Variants in FRMPD2 observed in about 807,000 individuals in gnomAD.
FRMPD2 encodes the protein FERM and PDZ domain containing 2.
Under a neutral mutation model 140.1 loss-of-function variants are expected in FRMPD2, and 96 were observed. The ratio of observed to expected loss-of-function variants is 0.69; its 90% CI spans 0.58 to 0.81. The LOEUF is 0.81. Ranked by LOEUF, FRMPD2 falls within the 40% of genes least tolerant of loss-of-function variation. The pLI is 0.00. For missense variants in FRMPD2, 1,240 were observed against 1,447.4 expected (o/e 0.86, Z 2.32); for synonymous variants, 449 against 547.6 (o/e 0.82, Z 2.52).
intron 16 of FRMPD2, 68 bp downstream of exon 16, chr10:48,192,616 G>T: frequency 7.4e-7 from 1 of 1,359,512 alleles, no homozygotes; most frequent in Non-Finnish European, 1.0e-6. Flanking sequence ...TAAATCTTCA[G>T]TACAGATCAC....
intron 15 of FRMPD2, among the ~76,000 whole-genome samples, chr10:48,200,998 A>G (rs1029876360): frequency 6.6e-6 from 1 of 152,168 alleles, no homozygotes; most frequent in African/African-American, 2.4e-5. Flanking sequence ...TATATTTCCA[A>G]TTGCACTCTG....
intron 12 of FRMPD2, among the ~76,000 whole-genome samples, chr10:48,218,899 A>C (rs1839514875): frequency 6.6e-6 from 1 of 152,208 alleles, no homozygotes; most frequent in South Asian, 2.1e-4. Flanking sequence ...TCAATTTTGC[A>C]AGACAATAAA....
chr10:48,194,028 T>G (rs1838898633), intron 15 of FRMPD2, among the ~76,000 whole-genome samples: 3 of 152,226 alleles, frequency 2.0e-5, no homozygotes, highest in South Asian at 4.1e-4. Flanking sequence ...GACCTGCAGC[T>G]TTTGCACAAA....
chr10:48,209,511 T>G (rs185825295), intron 13 of FRMPD2, among the ~76,000 whole-genome samples: 1 of 152,206 alleles, frequency 6.6e-6, no homozygotes, highest in African/African-American at 2.4e-5. Flanking sequence ...CTCCCAATAA[T>G]GGTCTTCTCC....
chr10:48,201,297 C>T lies in FRMPD2; in HGVS notation c.1885G>A (p.Asp629Asn), dbSNP rs1182829749. The T allele has an allele frequency of 6.2e-7, 1 of 1,613,892 alleles. No homozygotes were observed. The highest frequency in any genetic ancestry group is 8.5e-7 in the Non-Finnish European group (1 of 1,179,832). The change falls in exon 15 of 29, where the codon GAC (aspartate) becomes AAC (asparagine). Residue 629 changes from aspartate to asparagine, a missense_variant. Transcript: ENST00000374201. ...AACCCATGCTGGGCTGAGCAGAGGTCCAGTAAGTATTTACTGGTCTTGGCT... is the reference window on the plus strand; with the variant it reads ...AACCCATGCTGGGCTGAGCAGAGGTTCAGTAAGTATTTACTGGTCTTGGCT... Reference protein sequence around the residue: ...DSAKTSKYLLDLCSAQHGFNA... With the variant: ...DSAKTSKYLLNLCSAQHGFNA...
At chr10:48,208,498 T>C (rs1031701152) in intron 13 of FRMPD2, among the ~76,000 whole-genome samples, 1 of 152,198 alleles carries the variant, frequency 6.6e-6, no homozygotes, top group Non-Finnish European at 1.5e-5. Flanking sequence ...TTCTAAGTAA[T>C]CTGTCCAAGT....
chr10:48,254,810 C>G (rs1478405828), intron 1 of FRMPD2, among the ~76,000 whole-genome samples: 1 of 152,220 alleles, frequency 6.6e-6, no homozygotes, highest in African/African-American at 2.4e-5. Flanking sequence ...CGCTCTTGGT[C>G]TCAGAGGCAG....
chr10:48,273,114 T>C (rs1391735421), intron 1 of FRMPD2, among the ~76,000 whole-genome samples: 1 of 152,192 alleles, frequency 6.6e-6, no homozygotes, highest in African/African-American at 2.4e-5. Flanking sequence ...AATGAACTTA[T>C]TAGATGCATA....
chr10:48,225,990 T>G (rs1219326261), intron 10 of FRMPD2, among the ~76,000 whole-genome samples: 1 of 152,222 alleles, frequency 6.6e-6, no homozygotes, highest in Non-Finnish European at 1.5e-5. Context: ...TGTACTCTTT[T>G]GGGGTTGGTT....
Position 48,251,561 on chromosome 10 carries a change from C to T in FRMPD2, c.151+5G>A. 6.2e-7 allele frequency: 1 copy of T among 1,612,822 alleles called. No individual in the cohort carries two copies. Among genetic ancestry groups the T allele is most frequent in the Non-Finnish European group, 8.5e-7 (1 of 1,179,988 alleles). ...TGATTTGACTGCCCCCAAACACTCT[C>T]TTACCGTTGCGGAGGTCTTCCAGGA... On this transcript the variant is annotated splice_donor_5th_base_variant and intron_variant, in intron 2 of 28. Transcript: ENST00000374201.
intron 1 of FRMPD2, among the ~76,000 whole-genome samples, chr10:48,258,921 G>A (rs1840532699): frequency 6.6e-6 from 1 of 152,130 alleles, no homozygotes; most frequent in Non-Finnish European, 1.5e-5. Flanking sequence ...GCCTTCAAAA[G>A]GCTCTGAGCC....
chr10:48,249,257 G>A lies in FRMPD2; in HGVS notation c.152-79C>T, dbSNP rs899008891. ...CAGCATGGGACTGTGCCCAGCAGGT[G>A]CCTGGCAGTACCCATCTCTGGGACT... is the stretch of plus-strand genomic sequence containing the variant. On this transcript the variant is annotated intron_variant, in intron 2 of 28. Coordinates refer to ENST00000374201, the MANE Select transcript of FRMPD2 (RefSeq NM_001018071.4). The A allele has an allele frequency of 9.2e-6, 13 of 1,416,052 alleles. No homozygotes were observed. In the African/African-American group the frequency reaches 1.6e-4, roughly 17 times the overall value. The allele number at this position is 1,416,052 out of a possible 1,614,324, so 87.7% of individuals were successfully genotyped here.
At chr10:48,255,209 GTCT>G (rs1179723590) in intron 1 of FRMPD2, among the ~76,000 whole-genome samples, 1 of 152,132 alleles carries the variant, frequency 6.6e-6, no homozygotes. Flanking sequence ...TAGCATAGAA[GTCT>G]TCTTTGCCAT....
At chr10:48,215,396 T>C (rs937805025) in intron 12 of FRMPD2, among the ~76,000 whole-genome samples, 2 of 152,228 alleles carry the variant, frequency 1.3e-5, no homozygotes, top group African/African-American at 2.4e-5. Flanking sequence ...ACCTGGCATA[T>C]AGCAAAGCAA....
chr10:48,186,181 T>C (rs1329126627), intron 17 of FRMPD2, among the ~76,000 whole-genome samples: 1 of 152,238 alleles, frequency 6.6e-6, no homozygotes, highest in South Asian at 2.1e-4. Flanking sequence ...AAGCTGTTCC[T>C]GGAGAGCTGG....
At position 48,232,163 on chromosome 10, in the gene FRMPD2, A is replaced by G. The variant is rs1255739284; in HGVS notation, c.1120T>C (p.Phe374Leu). 1 of 1,614,214 alleles carries G rather than the reference A, an allele frequency of 6.2e-7. No individual in the cohort carries two copies. Among genetic ancestry groups the G allele is most frequent in the Non-Finnish European group, 8.5e-7 (1 of 1,180,040 alleles). Residue 374 changes from phenylalanine to leucine, a missense_variant, in exon 10 of 29, where the codon TTT becomes CTT. Physicochemically the swap from Phe to Leu is conservative, Grantham distance 22 (BLOSUM62 0). Coordinates refer to ENST00000374201, the MANE Select transcript of FRMPD2 (RefSeq NM_001018071.4). ...VGAVFNAVTSFANLEELTYFG... is the reference protein window; with the variant it reads ...VGAVFNAVTSLANLEELTYFG... ...TAGGTGAGTTCCTCGAGGTTGGCAA[A>G]GGATGTCACGGCATTGAAGACAGCT...
At position 48,178,031 on chromosome 10, in the gene FRMPD2, T is replaced by C. The variant is rs1380135968; in HGVS notation, c.2895+16A>G. 3.4e-6 allele frequency: 5 copies of C among 1,458,152 alleles called. No individual in the cohort carries two copies. The East Asian group carries it at 9.1e-5, about 26-fold the overall frequency. The allele number at this position is 1,458,152 out of a possible 1,614,324, so 90.3% of individuals were successfully genotyped here. ...ATCTTGTTAACTGCTTTTCAAGCTC[T>C]CCTAAAAACTCTTACAGTTACACTG... On this transcript the variant is annotated intron_variant, in intron 22 of 28. Coordinates refer to ENST00000374201, the MANE Select transcript of FRMPD2 (RefSeq NM_001018071.4).
intron 22 of FRMPD2, among the ~76,000 whole-genome samples, chr10:48,176,729 T>C (rs199988463): frequency 0.17 from 26,471 of 151,620 alleles, 2,494 homozygotes; most frequent in East Asian, 0.43. Flanking sequence ...ATGTTTGGTG[T>C]CTGATAAGGC....
Position 48,191,420 on chromosome 10 carries a change from G to A in FRMPD2, c.2165+1264C>T, listed in dbSNP as rs116171060. On this transcript the variant is annotated intron_variant, in intron 16 of 28. Transcript: ENST00000374201. Reference sequence around the variant, plus strand: ...TGAAATTTCTAATCCAGTTCATTGTGAAATGGAATAACACAATGGTCATTG... The same window carrying A: ...TGAAATTTCTAATCCAGTTCATTGTAAAATGGAATAACACAATGGTCATTG... 5.1e-3 allele frequency among the ~76,000 whole-genome samples: 778 copies of A among 152,274 alleles called. 10 individuals are homozygous for A. The highest frequency in any genetic ancestry group is 0.018 in the African/African-American group (738 of 41,540).
Sources: allele counts gnomAD v4.1 joint callset (sites outside exome capture counted in the v4.1 genomes callset), GRCh38; gene constraint gnomAD v4.1.1; transcripts MANE v1.5; gene names NCBI Gene and HGNC (gene_info 2026-07-23, HGNC 2026-07-21).